TMEM132D: variants seen among roughly 807,000 people sequenced by gnomAD.
TMEM132D encodes the protein transmembrane protein 132D, also known as mature OL transmembrane protein.
Under a neutral mutation model 62.3 loss-of-function variants are expected in TMEM132D, and 21 were observed. The ratio of observed to expected loss-of-function variants is 0.34; its 90% CI spans 0.24 to 0.49. TMEM132D has a LOEUF of 0.49. Among genes scored for constraint, TMEM132D ranks in the 20% least tolerant of loss-of-function variants. TMEM132D has a pLI of 0.99. For synonymous variants in TMEM132D, 621 were observed against 575.6 expected (o/e 1.08, Z -1.13); for missense variants, 1,346 against 1,402.8 (o/e 0.96, Z 0.65).
At chr12:129,623,851 T>C (rs1879145104) in intron 2 of TMEM132D, among the ~76,000 whole-genome samples, 1 of 152,000 alleles carries the variant, frequency 6.6e-6, no homozygotes, top group Non-Finnish European at 1.5e-5. Context: ...TCTTGGCAAT[T>C]GTGAATTGTG....
At chr12:129,280,682 T>C (rs1031623270) in intron 4 of TMEM132D, among the ~76,000 whole-genome samples, 7 of 152,162 alleles carry the variant, frequency 4.6e-5, no homozygotes, top group Non-Finnish European at 1.0e-4. Context: ...GTTTGTAATA[T>C]CTATCTATCT....
chr12:129,151,674 C>G (rs1430404052), intron 5 of TMEM132D, among the ~76,000 whole-genome samples: 1 of 152,190 alleles, frequency 6.6e-6, no homozygotes, highest in Non-Finnish European at 1.5e-5. Flanking sequence ...TCTTCAGACT[C>G]TTTCTTGGGA....
intron 4 of TMEM132D, among the ~76,000 whole-genome samples, chr12:129,321,761 G>C (rs1487874898): frequency 6.6e-6 from 1 of 151,988 alleles, no homozygotes; most frequent in Non-Finnish European, 1.5e-5. Context: ...GGGTTTCACC[G>C]TGTTAGCCAG....
chr12:129,579,628 G>A (rs1414363271), intron 2 of TMEM132D, among the ~76,000 whole-genome samples: 1 of 152,188 alleles, frequency 6.6e-6, no homozygotes, highest in Admixed American at 6.5e-5. Context: ...TCCAACACGG[G>A]AGAAAGATGA....
intron 3 of TMEM132D, among the ~76,000 whole-genome samples, chr12:129,517,986 T>C (rs1256231418): frequency 6.6e-6 from 1 of 152,176 alleles, no homozygotes; most frequent in Non-Finnish European, 1.5e-5. Context: ...TTCATTCTAA[T>C]TTACCTGGCA....
At chr12:129,627,548 C>T (rs1879254164) in intron 2 of TMEM132D, among the ~76,000 whole-genome samples, 1 of 152,086 alleles carries the variant, frequency 6.6e-6, no homozygotes, top group South Asian at 2.1e-4. Context: ...AGCTGCTGAA[C>T]ACCAATGGGA....
intron 4 of TMEM132D, among the ~76,000 whole-genome samples, chr12:129,320,774 A>G (rs1868673363): frequency 6.6e-6 from 1 of 152,218 alleles, no homozygotes; most frequent in African/African-American, 2.4e-5. Flanking sequence ...AGTTTGGAGT[A>G]CAATAGGGGC....
At chr12:129,531,259 A>T (rs1344817385) in intron 2 of TMEM132D, 54 bp from the exon 3 acceptor site, 1 of 1,535,716 alleles carries the variant, frequency 6.5e-7, no homozygotes, top group Non-Finnish European at 8.8e-7. Context: ...TCCCCGGGTC[A>T]TGCTGGTTCT....
chr12:129,335,778 G>A (rs1188604170), intron 4 of TMEM132D, among the ~76,000 whole-genome samples: 1 of 152,194 alleles, frequency 6.6e-6, no homozygotes, highest in Non-Finnish European at 1.5e-5. Context: ...TGCTAAAAAA[G>A]TAGGTTTCTC....
intron 1 of TMEM132D, among the ~76,000 whole-genome samples, chr12:129,844,024 C>T (rs554940727): frequency 3.3e-5 from 5 of 152,022 alleles, no homozygotes; most frequent in South Asian, 2.1e-4. Flanking sequence ...TCACTTGAGC[C>T]CAGGAGGTCA....
At chr12:129,252,408 G>T (rs1211893314) in intron 4 of TMEM132D, among the ~76,000 whole-genome samples, 1 of 152,084 alleles carries the variant, frequency 6.6e-6, no homozygotes, top group Non-Finnish European at 1.5e-5. Context: ...CAAGGTTCCT[G>T]GTGAAACTTC....
chr12:129,832,750 C>T (rs1007676137), intron 1 of TMEM132D, among the ~76,000 whole-genome samples: 5 of 152,122 alleles, frequency 3.3e-5, no homozygotes, highest in African/African-American at 1.2e-4. Flanking sequence ...GCCACAAACC[C>T]GGCCATGATC....
intron 2 of TMEM132D, among the ~76,000 whole-genome samples, chr12:129,680,088 TC>T (rs1880740290): frequency 6.6e-6 from 1 of 152,212 alleles, no homozygotes; most frequent in African/African-American, 2.4e-5. Context: ...ATTCTCCCTT[TC>T]TGTAATGTTT....
intron 5 of TMEM132D, among the ~76,000 whole-genome samples, chr12:129,156,875 A>G (rs554773356): frequency 8.5e-5 from 13 of 152,172 alleles, no homozygotes; most frequent in African/African-American, 3.1e-4. Flanking sequence ...ATATTAACTT[A>G]CTCCTGAGAT....
chr12:129,693,466 T>C (rs1156985692), intron 2 of TMEM132D, among the ~76,000 whole-genome samples: 1 of 152,172 alleles, frequency 6.6e-6, no homozygotes, highest in Non-Finnish European at 1.5e-5. Flanking sequence ...CTCTTTACAA[T>C]TGTGAGCTGG....
At chr12:129,671,368 G>A (rs1395053839) in intron 2 of TMEM132D, among the ~76,000 whole-genome samples, 1 of 152,066 alleles carries the variant, frequency 6.6e-6, no homozygotes. Context: ...GAGTTTCCAT[G>A]AAAAATATAT....
At chr12:129,579,853 T>C (rs1267588170) in intron 2 of TMEM132D, among the ~76,000 whole-genome samples, 1 of 152,160 alleles carries the variant, frequency 6.6e-6, no homozygotes, top group Non-Finnish European at 1.5e-5. Flanking sequence ...CACTCAATAT[T>C]AACCATCACA....
chr12:129,201,422 C>G (rs183383478), intron 5 of TMEM132D, among the ~76,000 whole-genome samples: 97 of 152,296 alleles, frequency 6.4e-4, no homozygotes, highest in Non-Finnish European at 9.1e-4. Flanking sequence ...AGAGAGTCCA[C>G]TGCCCTTCTC....
At chr12:129,109,370 T>G (rs974934762) in intron 5 of TMEM132D, among the ~76,000 whole-genome samples, 1 of 152,186 alleles carries the variant, frequency 6.6e-6, no homozygotes, top group Non-Finnish European at 1.5e-5. Flanking sequence ...GGGATGGTGA[T>G]CATGGTACCA....
Sources: allele counts gnomAD v4.1 joint callset (sites outside exome capture counted in the v4.1 genomes callset), GRCh38; gene constraint gnomAD v4.1.1; transcripts MANE v1.5; gene names NCBI Gene and HGNC (gene_info 2026-07-23, HGNC 2026-07-21).